The following MAF1 variants were observed in gnomAD, a reference collection of about 807,000 sequenced individuals.
The protein encoded by MAF1 is MAF1 negative regulator of RNA polymerase III.
MAF1 carries 7 observed loss-of-function variants against 31.9 expected under a neutral mutation model. The ratio of observed to expected loss-of-function variants is 0.22; its 90% CI spans 0.12 to 0.41. The LOEUF (loss-of-function observed/expected upper bound fraction) is 0.41, where lower values mean the gene tolerates loss of function less well. Ranked by LOEUF, MAF1 falls within the 10% of genes least tolerant of loss-of-function variation. The probability of loss-of-function intolerance (pLI) is 1.00; values close to 1 mark genes in which losing one functional copy is unlikely to be tolerated. For missense variants in MAF1, 221 were observed against 323.1 expected (o/e 0.68, Z 2.42); for synonymous variants, 157 against 120.0 (o/e 1.31, Z -2.02).
chr8:144,105,758 C>T lies in MAF1; in HGVS notation c.75C>T (p.Ile25=), dbSNP rs182918416. ...QLTVETGDAH[I]IGRIESYSCK... is the part of the protein sequence containing the mutation. ...CTGTGGAGACTGGAGATGCCCACAT[C>T]ATTGGCAGGTGAGGCAGGCTGGGGG... The change falls in exon 2 of 8, where the codon ATC becomes ATT. Residue 25 remains isoleucine (I), a synonymous_variant. Transcript: ENST00000322428. 4.4e-5 allele frequency: 71 copies of T among 1,613,058 alleles called. No homozygotes were observed. In the East Asian group the frequency reaches 1.4e-3, roughly 32 times the overall value.
Position 144,104,755 on chromosome 8 carries a change from G to GCGCTGCGCGGAGCCCGCCCC in MAF1, c.-144_-125dup, listed in dbSNP as rs2130009292. The GCGCTGCGCGGAGCCCGCCCC allele has an allele frequency of 1.3e-5, 2 of 152,514 alleles. No homozygotes were observed. The highest frequency in any genetic ancestry group is 4.8e-5 in the African/African-American group (2 of 41,554). 9.4% of individuals were successfully genotyped at this position (152,514 alleles called of 1,614,324 possible). On this transcript the variant is annotated 5_prime_UTR_variant, in exon 1 of 8. Transcript: ENST00000322428. ...GCCGCCCTCCGATCTTGAAGAGCCCGCGCTGCGCGGAGCCCGCCCCCGCCT... is the reference window on the plus strand; with the variant it reads ...GCCGCCCTCCGATCTTGAAGAGCCCGCGCTGCGCGGAGCCCGCCCCCGCTGCGCGGAGCCCGCCCCCGCCT...
Position 144,106,857 on chromosome 8 carries a change from G to A in MAF1, c.643G>A (p.Glu215Lys). ...SISGSTYTPS[E>K]AGNELDMELG... ...CAGTGGCTCCACCTACACACCCTCAGAGGCAGGCAACGAGCTGGACATGGA... is the reference window on the plus strand; with the variant it reads ...CAGTGGCTCCACCTACACACCCTCAAAGGCAGGCAACGAGCTGGACATGGA... Residue 215 changes from glutamate (E) to lysine (K), a missense_variant, in exon 7 of 8, where the codon GAG becomes AAG. Glu to Lys is a moderately conservative substitution (Grantham distance 56). Around this residue, in one of 2 missense-constraint regions of MAF1, gnomAD observed 75 missense variants for 60.1 expected, o/e 1.25. Transcript: ENST00000322428. 1 of 1,532,564 alleles carries A rather than the reference G, an allele frequency of 6.5e-7. No homozygotes were observed. Among genetic ancestry groups the A allele is most frequent in the East Asian group, 2.3e-5 (1 of 44,302 alleles). 94.9% of individuals were successfully genotyped at this position (1,532,564 alleles called of 1,614,324 possible).
intron 1 of MAF1, chr8:144,105,279 A>C: frequency 6.1e-6 from 1 of 165,172 alleles, no homozygotes; most frequent in Non-Finnish European, 1.2e-5. Context: ...CTCAAGAGTT[A>C]CCCCCATGGT....
In MAF1 at chr8:144,106,538, C is replaced by T. The variant is rs983261720; in HGVS notation, c.501-17C>T. 1.6e-5 allele frequency: 26 copies of T among 1,613,942 alleles called. No individual in the cohort carries two copies. The highest frequency in any genetic ancestry group is 2.2e-5 in the Non-Finnish European group (26 of 1,180,032). On this transcript the variant is annotated splice_polypyrimidine_tract_variant and intron_variant, in intron 5 of 7. Coordinates refer to ENST00000322428, the MANE Select transcript of MAF1 (RefSeq NM_032272.5). The stretch of plus-strand genomic sequence containing the variant: ...GCACTTGGCGCCTCACACCACCTGT[C>T]ACCCTATACTCCCCAGCTATAACCC...
rs1456963095 is a variant in MAF1 at position 144,106,824 on chromosome 8, C to T, written c.621-11C>T. The T allele has an allele frequency of 6.5e-7, 1 of 1,535,376 alleles. No individual in the cohort carries two copies. The highest frequency in any genetic ancestry group is 2.1e-5 in the Admixed American group (1 of 48,640). ...AGGGGTCCTGAAACTGGTTTCCCTG[C>T]CTCCCCTCAGTGGCTCCACCTACAC... On this transcript the variant is annotated splice_polypyrimidine_tract_variant and intron_variant, in intron 6 of 7. Transcript: ENST00000322428.
Position 144,107,405 on chromosome 8 carries a change from T to C in MAF1, c.*296T>C. The C allele has an allele frequency of 1.7e-6, 1 of 586,872 alleles. No homozygotes were observed. Among genetic ancestry groups the C allele is most frequent in the South Asian group, 2.0e-5 (1 of 49,920 alleles). The allele number at this position is 586,872 out of a possible 1,614,324, so 36.4% of individuals were successfully genotyped here. Reference sequence around the variant, plus strand: ...AGCAGGGACAGCTGGACCGCAGAGTTTATTTTTGTATTTCTACTGGGCCTG... The same window carrying C: ...AGCAGGGACAGCTGGACCGCAGAGTCTATTTTTGTATTTCTACTGGGCCTG... On this transcript the variant is annotated 3_prime_UTR_variant, in exon 8 of 8. Transcript: ENST00000322428.
chr8:144,104,599 C>G lies in MAF1; in HGVS notation c.-304C>G, dbSNP rs1220822562. On this transcript the variant is annotated 5_prime_UTR_variant, in exon 1 of 8. Coordinates refer to ENST00000322428, the MANE Select transcript of MAF1 (RefSeq NM_032272.5). Reference sequence around the variant, plus strand: ...GTCGGCGGCAGGTCGGTCGCGAGAGCGGGCTCTGTGGAAGGGGGCGAGGCT... The same window carrying G: ...GTCGGCGGCAGGTCGGTCGCGAGAGGGGGCTCTGTGGAAGGGGGCGAGGCT... 1.3e-5 allele frequency: 2 copies of G among 152,202 alleles called. No individual in the cohort carries two copies. The highest frequency in any genetic ancestry group is 4.8e-5 in the African/African-American group (2 of 41,516). 9.4% of individuals were successfully genotyped at this position (152,202 alleles called of 1,614,324 possible).
chr8:144,105,830 G>A (rs878856670), intron 2 of MAF1, 39 bp from the exon 3 acceptor site: 1 of 1,612,904 alleles, frequency 6.2e-7, no homozygotes, highest in Non-Finnish European at 8.5e-7. Flanking sequence ...AGTGGAACCT[G>A]GGGGAAGCAT....
At chr8:144,107,029 C>T (rs1324823019) in intron 7 of MAF1, 59 bp from the exon 8 acceptor site, 1 of 1,560,170 alleles carries the variant, frequency 6.4e-7, no homozygotes. Context: ...GTGGGGGCCT[C>T]CTCTACTTGG....
rs1186889512 is a variant in MAF1 at position 144,106,518 on chromosome 8, T to C, written c.501-37T>C. The C allele has an allele frequency of 1.1e-5, 17 of 1,613,792 alleles. No homozygotes were observed. The Admixed American group carries it at 2.8e-4, about 27-fold the overall frequency. On this transcript the variant is annotated intron_variant, in intron 5 of 7. Transcript: ENST00000322428. ...CAGGCCTCCAGGTTTGTGGGGCACT[T>C]GGCGCCTCACACCACCTGTCACCCT...
chr8:144,105,532 G>GGCCAGACT (rs1836394473), intron 1 of MAF1, 108 bp from the exon 2 acceptor site: 5 of 654,862 alleles, frequency 7.6e-6, no homozygotes, highest in Non-Finnish European at 2.7e-6. Flanking sequence ...CCTGGACAGA[G>GGCCAGACT]GCCAGACTCA....
At chr8:144,106,031 G>T in intron 3 of MAF1, 34 bp downstream of exon 3, 1 of 1,613,560 alleles carries the variant, frequency 6.2e-7, no homozygotes, top group Non-Finnish European at 8.5e-7. Flanking sequence ...GGGGCTGGGG[G>T]TTGAGGGGAG....
In MAF1 at chr8:144,107,303, C is replaced by T. The variant is rs1836434965; in HGVS notation, c.*194C>T. On this transcript the variant is annotated 3_prime_UTR_variant, in exon 8 of 8. Coordinates refer to ENST00000322428, the MANE Select transcript of MAF1 (RefSeq NM_032272.5). ...TGCCCACTCACCCCTCAGACTCCTGCTGCCCATGCTGTGGCCGGACTTGTC... is the reference window on the plus strand; with the variant it reads ...TGCCCACTCACCCCTCAGACTCCTGTTGCCCATGCTGTGGCCGGACTTGTC... The T allele has an allele frequency of 1.4e-6, 1 of 697,260 alleles. No homozygotes were observed. Among genetic ancestry groups the T allele is most frequent in the African/African-American group, 1.8e-5 (1 of 56,026 alleles). 43.2% of individuals were successfully genotyped at this position (697,260 alleles called of 1,614,324 possible). A position where few individuals can be genotyped will look rare whatever the true frequency, so the allele number is the denominator to read the frequency against.
Position 144,106,699 on chromosome 8 carries a change from C to T in MAF1, c.620+25C>T, listed in dbSNP as rs779573548. ...GGTGGGCACCCCCCGCCTCCTCCCC[C>T]ACCTCCCTGTTGGGCCGATACAACT... On this transcript the variant is annotated intron_variant, in intron 6 of 7. Transcript: ENST00000322428. The T allele has an allele frequency of 2.5e-6, 4 of 1,606,736 alleles. No homozygotes were observed. In the Admixed American group the frequency reaches 6.7e-5, roughly 27 times the overall value.
At position 144,107,490 on chromosome 8, in the gene MAF1, C is replaced by T. The variant is rs896619449; in HGVS notation, c.*381C>T. On this transcript the variant is annotated 3_prime_UTR_variant, in exon 8 of 8. Coordinates refer to ENST00000322428, the MANE Select transcript of MAF1 (RefSeq NM_032272.5). ...CCCACGAGCAGGCCCCAGCAGTCAC[C>T]GGCTCTGGTCTTGGGCCGGCCCCGG... The T allele has an allele frequency of 3.2e-5, 19 of 589,418 alleles. No homozygotes were observed. The highest frequency in any genetic ancestry group is 8.9e-5 in the Admixed American group (3 of 33,814). 36.5% of individuals were successfully genotyped at this position (589,418 alleles called of 1,614,324 possible).
At chr8:144,105,513 G>A (rs1836393926) in intron 1 of MAF1, 127 bp from the exon 2 acceptor site, 2 of 616,842 alleles carry the variant, frequency 3.2e-6, no homozygotes, top group South Asian at 1.9e-5. Context: ...GGGAGCTCCT[G>A]ATGTGCAGCC....
Position 144,107,342 on chromosome 8 carries a change from G to A in MAF1, c.*233G>A. 2 of 616,828 alleles carry A rather than the reference G, an allele frequency of 3.2e-6. No homozygotes were observed. The highest frequency in any genetic ancestry group is 5.7e-6 in the Non-Finnish European group (2 of 348,784). 38.2% of individuals were successfully genotyped at this position (616,828 alleles called of 1,614,324 possible). ...GCCGGACTTGTCAGCAGGGGGCCTG[G>A]TGGGAGGAGCGACTGCCCTGCCCAA... On this transcript the variant is annotated 3_prime_UTR_variant, in exon 8 of 8. Transcript: ENST00000322428.
In MAF1 at chr8:144,106,747, C is replaced by G. The variant is rs566948460; in HGVS notation, c.620+73C>G. On this transcript the variant is annotated intron_variant, in intron 6 of 7. Transcript: ENST00000322428. ...ACTTCCCCAGCTGTGCCATCTCCAC[C>G]CAGCTTTGCCCTCCCTGAACATCCT... The G allele has an allele frequency of 6.2e-4, 978 of 1,576,594 alleles. 7 individuals are homozygous for G. The African/African-American group carries it at 0.012, about 20-fold the overall frequency.
rs377187335 is a variant in MAF1 at position 144,106,340 on chromosome 8, T to C, written c.379-3T>C. Reference sequence around the variant, plus strand: ...CTGTCACCCTGACTGTGACCTGCCCTAGGTGGTGAATGCAGTCAACTGCAG... The same window carrying C: ...CTGTCACCCTGACTGTGACCTGCCCCAGGTGGTGAATGCAGTCAACTGCAG... On this transcript the variant is annotated splice_region_variant and splice_polypyrimidine_tract_variant and intron_variant, in intron 4 of 7. Transcript: ENST00000322428. 2.3e-4 allele frequency: 365 copies of C among 1,613,584 alleles called. 1 individual carries two copies. Among genetic ancestry groups the C allele is most frequent in the Non-Finnish European group, 3.1e-4 (360 of 1,179,918 alleles).
Sources: allele counts gnomAD v4.1 joint callset, GRCh38; gene constraint gnomAD v4.1.1; regional missense constraint gnomAD v4.1.1; transcripts MANE v1.5; gene names NCBI Gene and HGNC (gene_info 2026-07-23, HGNC 2026-07-21).